COL21A1: variants seen among roughly 807,000 people sequenced by gnomAD.
COL21A1 encodes collagen alpha-1(XXI) chain.
Under a neutral mutation model 137.9 loss-of-function variants are expected in COL21A1, and 149 were observed. That is an observed-to-expected ratio of 1.08 (90% CI 0.95 to 1.24). The LOEUF is 1.24. Among genes scored for constraint, COL21A1 ranks in the 50% most tolerant of loss-of-function variants. The pLI, the probability that COL21A1 is intolerant of heterozygous loss-of-function variation, is 0.00. For missense variants in COL21A1, 1,167 were observed against 1,158.4 expected, an observed-to-expected ratio of 1.01 and a Z score of -0.11; for synonymous variants, 456 against 391.5, an observed-to-expected ratio of 1.16 and a Z score of -1.95.
At chr6:56,267,496 C>A (rs1180888101) in intron 1 of COL21A1, among the ~76,000 whole-genome samples, 1 of 151,968 alleles carries the variant, frequency 6.6e-6, no homozygotes, top group Non-Finnish European at 1.5e-5. Context: ...GTGACTCATG[C>A]CTGTAATCCC....
chr6:56,360,897 C>G (rs1765950592), intron 1 of COL21A1, among the ~76,000 whole-genome samples: 1 of 152,122 alleles, frequency 6.6e-6, no homozygotes, highest in African/African-American at 2.4e-5. Flanking sequence ...GTCAGGAGTT[C>G]AAGACCAGTC....
In COL21A1 at chr6:56,098,638, A is replaced by T. The variant is rs867717570; in HGVS notation, c.1812+2834T>A. Among the ~76,000 whole-genome samples, 32 of 15,186 alleles carry T rather than the reference A, an allele frequency of 2.1e-3. 2 individuals carry two copies. Among genetic ancestry groups the T allele is most frequent in the African/African-American group, 2.4e-3 (6 of 2,520 alleles). 10.0% of individuals were successfully genotyped at this position (15,186 alleles called of 152,430 possible). Reference sequence around the variant, plus strand: ...ATAAATATATATAAATATATATATAAATATATATAAATATATAAATATATA... The same window carrying T: ...ATAAATATATATAAATATATATATATATATATATAAATATATAAATATATA... On this transcript the variant is annotated intron_variant, in intron 17 of 29. Transcript: ENST00000244728.
At chr6:56,327,328 T>TA (rs1765119447) in intron 1 of COL21A1, among the ~76,000 whole-genome samples, 2 of 151,860 alleles carry the variant, frequency 1.3e-5, no homozygotes, top group African/African-American at 2.4e-5. Context: ...GATAAATTAC[T>TA]AAATAAAATA....
intron 3 of COL21A1, among the ~76,000 whole-genome samples, chr6:56,175,338 A>ATT (rs1777378371): frequency 6.6e-6 from 1 of 151,914 alleles, no homozygotes; most frequent in African/African-American, 2.4e-5. Flanking sequence ...AAGAAATAAA[A>ATT]TTATCTCTGT....
At position 56,179,906 on chromosome 6, in the gene COL21A1, C is replaced by T. The variant is rs151099239; in HGVS notation, c.312G>A (p.Val104=). ...YDSGEHLTAA[V]ESILYLGGNT... Reference sequence around the variant, plus strand: ...TTCCTCCTAAGTAGAGTATGGATTCCACTGCTGCCGTCAAATGTTCTCCTG... The same window carrying T: ...TTCCTCCTAAGTAGAGTATGGATTCTACTGCTGCCGTCAAATGTTCTCCTG... The change falls in exon 3 of 30, where the codon GTG becomes GTA. Residue 104 remains valine (V), a synonymous_variant. Transcript: ENST00000244728. 5.0e-6 allele frequency: 8 copies of T among 1,613,832 alleles called. No homozygotes were observed. The African/African-American group carries it at 8.0e-5, about 16-fold the overall frequency.
At chr6:56,078,773 C>A (rs1452023978) in intron 17 of COL21A1, among the ~76,000 whole-genome samples, 1 of 151,574 alleles carries the variant, frequency 6.6e-6, no homozygotes, top group African/African-American at 2.4e-5. Flanking sequence ...TTTGCCACTT[C>A]ACTATACCAT....
chr6:56,221,337 G>T (rs183548589), intron 1 of COL21A1, among the ~76,000 whole-genome samples: 275 of 152,258 alleles, frequency 1.8e-3, no homozygotes, highest in African/African-American at 6.2e-3. Context: ...TTTGAAGTTT[G>T]TAAGTCTTAG....
chr6:56,296,248 C>T (rs1260024340), intron 1 of COL21A1, among the ~76,000 whole-genome samples: 7 of 151,782 alleles, frequency 4.6e-5, no homozygotes, highest in Non-Finnish European at 1.0e-4. Context: ...ACAACATATC[C>T]AATATATATC....
chr6:56,087,950 CTG>C (rs1183479447), intron 17 of COL21A1, among the ~76,000 whole-genome samples: 1 of 152,162 alleles, frequency 6.6e-6, no homozygotes, highest in African/African-American at 2.4e-5. Flanking sequence ...TAAGCCAAAC[CTG>C]TTTTTAAAAT....
intron 1 of COL21A1, among the ~76,000 whole-genome samples, chr6:56,259,350 T>C (rs9475645): frequency 0.4 from 60,192 of 152,030 alleles, 13,439 homozygotes; most frequent in African/African-American, 0.59. Flanking sequence ...TGCTTTTCCT[T>C]CCATCCATCT....
intron 1 of COL21A1, among the ~76,000 whole-genome samples, chr6:56,341,207 C>T (rs1056138681): frequency 6.6e-6 from 1 of 151,690 alleles, no homozygotes; most frequent in African/African-American, 2.4e-5. Flanking sequence ...AAAAGAATAT[C>T]GGTATATAAG....
At chr6:56,205,029 G>T (rs186570502) in intron 1 of COL21A1, among the ~76,000 whole-genome samples, 1 of 152,272 alleles carries the variant, frequency 6.6e-6, no homozygotes, top group East Asian at 1.9e-4. Context: ...AAGATGGGGA[G>T]AAACCAGTGC....
chr6:56,129,699 T>TGTGA (rs1450514214), intron 12 of COL21A1, among the ~76,000 whole-genome samples: 173 of 120,520 alleles, frequency 1.4e-3, no homozygotes, highest in South Asian at 4.6e-3. Context: ...TGTGTGTGTG[T>TGTGA]GAGAGAGAGA....
chr6:56,188,304 G>A (rs1778427660), intron 1 of COL21A1, among the ~76,000 whole-genome samples: 1 of 152,168 alleles, frequency 6.6e-6, no homozygotes, highest in South Asian at 2.1e-4. Flanking sequence ...GAAATTGTGT[G>A]TCCACAGCAA....
intron 1 of COL21A1, among the ~76,000 whole-genome samples, chr6:56,377,624 T>G: frequency 6.6e-6 from 1 of 151,296 alleles, no homozygotes; most frequent in African/African-American, 2.4e-5. Context: ...ACTCTGGGGG[T>G]CTAAATAAAC....
chr6:56,099,797 G>C (rs1314905522), intron 17 of COL21A1, among the ~76,000 whole-genome samples: 1 of 151,872 alleles, frequency 6.6e-6, no homozygotes, highest in Non-Finnish European at 1.5e-5. Context: ...CAGCAATTAT[G>C]GCTCACATAT....
chr6:56,132,186 T>C (rs1773612060), intron 12 of COL21A1, among the ~76,000 whole-genome samples: 1 of 151,718 alleles, frequency 6.6e-6, no homozygotes, highest in African/African-American at 2.4e-5. Flanking sequence ...AAAATAAAAT[T>C]GGATAATGTT....
At chr6:56,359,489 G>A (rs1384609936) in intron 1 of COL21A1, among the ~76,000 whole-genome samples, 1 of 152,076 alleles carries the variant, frequency 6.6e-6, no homozygotes, top group African/African-American at 2.4e-5. Flanking sequence ...AGTAGGTGGG[G>A]GTTGGTTGGT....
chr6:56,091,179 T>C (rs1768781983), intron 17 of COL21A1, among the ~76,000 whole-genome samples: 1 of 152,202 alleles, frequency 6.6e-6, no homozygotes, highest in Non-Finnish European at 1.5e-5. Flanking sequence ...GCATGTCTTC[T>C]GCATATATGC....
Sources: gnomAD v4.1 joint callset for allele counts (sites outside exome capture counted in the v4.1 genomes callset) on GRCh38, gnomAD v4.1.1 for gene constraint, MANE v1.5 for transcripts, NCBI Gene and HGNC (gene_info 2026-07-23, HGNC 2026-07-21) for gene names.